Variants in TEK observed in about 807,000 individuals in gnomAD.
TEK encodes the protein TEK receptor tyrosine kinase.
A neutral mutation model predicts 131.8 loss-of-function variants in TEK; 43 were observed. That is an observed-to-expected ratio of 0.33 (90% CI 0.26 to 0.42). The LOEUF is 0.42. Ranked by LOEUF, TEK falls within the 10% of genes least tolerant of loss-of-function variation. The pLI, the probability that TEK is intolerant of heterozygous loss-of-function variation, is 1.00. For missense variants in TEK, 1,162 were observed against 1,384.4 expected (o/e 0.84, Z 2.55); for synonymous variants, 580 against 491.6 (o/e 1.18, Z -2.38).
At chr9:27,161,236 C>G (rs763582906) in intron 2 of TEK, among the ~76,000 whole-genome samples, 10 of 152,168 alleles carry the variant, frequency 6.6e-5, no homozygotes, top group Non-Finnish European at 1.0e-4. Flanking sequence ...GAAACACTAA[C>G]GAGAAGATGG....
intron 12 of TEK, among the ~76,000 whole-genome samples, chr9:27,201,919 C>G (rs1478942569): frequency 6.6e-6 from 1 of 152,138 alleles, no homozygotes; most frequent in Non-Finnish European, 1.5e-5. Flanking sequence ...TGTGGTTATA[C>G]AAGTCAAGAG....
chr9:27,204,622 C>T (rs761945977), intron 13 of TEK, among the ~76,000 whole-genome samples: 2 of 151,588 alleles, frequency 1.3e-5, no homozygotes, highest in Non-Finnish European at 2.9e-5. Context: ...TGGGATTCTA[C>T]TTGGAAATAA....
At chr9:27,149,005 A>C (rs1400052420) in intron 1 of TEK, among the ~76,000 whole-genome samples, 1 of 152,164 alleles carries the variant, frequency 6.6e-6, no homozygotes, top group Non-Finnish European at 1.5e-5. Context: ...GGCAGAAACC[A>C]TATTTTATTT....
chr9:27,229,532 A>C lies in TEK; in HGVS notation c.*300A>C, dbSNP rs922591203. The C allele has an allele frequency of 6.1e-5, 26 of 424,290 alleles. No individual in the cohort carries two copies. Among genetic ancestry groups the C allele is most frequent in the African/African-American group, 4.0e-4 (20 of 49,910 alleles). The allele number at this position is 424,290 out of a possible 1,614,324, so 26.3% of individuals were successfully genotyped here. On this transcript the variant is annotated 3_prime_UTR_variant, in exon 23 of 23. Coordinates refer to ENST00000380036, the MANE Select transcript of TEK (RefSeq NM_000459.5). The stretch of plus-strand genomic sequence containing the variant: ...TTCATAGGAAGGCGTGAGTACAATT[A>C]GTATAATGCATAACTCATTGTTGTC...
chr9:27,167,714 T>C (rs1823784204), intron 2 of TEK, among the ~76,000 whole-genome samples: 1 of 152,214 alleles, frequency 6.6e-6, no homozygotes. Flanking sequence ...AAGTCCAGCA[T>C]TTTGCTCATT....
At chr9:27,221,456 A>G (rs1564109396) in intron 21 of TEK, among the ~76,000 whole-genome samples, 1 of 117,092 alleles carries the variant, frequency 8.5e-6, no homozygotes, top group Non-Finnish European at 2.0e-5. Context: ...TGGGTCCCTG[A>G]CCCGACCCCT....
chr9:27,117,097 C>T (rs1821599277), intron 1 of TEK, among the ~76,000 whole-genome samples: 1 of 151,908 alleles, frequency 6.6e-6, no homozygotes, highest in African/African-American at 2.4e-5. Flanking sequence ...GATCTCCTGA[C>T]CTAGTGATCC....
At chr9:27,220,194 G>T in intron 21 of TEK, 49 bp downstream of exon 21, 2 of 1,580,194 alleles carry the variant, frequency 1.3e-6, no homozygotes, top group Non-Finnish European at 1.7e-6. Context: ...TTCCCCCTGT[G>T]TGTTTCTGGG....
In TEK at chr9:27,197,455, C is replaced by G; in HGVS notation, c.1765C>G (p.Gln589Glu). The G allele has an allele frequency of 6.2e-7, 1 of 1,614,084 alleles. No individual in the cohort carries two copies. The change falls in exon 12 of 23, where the codon CAG becomes GAG. Residue 589 changes from glutamine (Q) to glutamate (E), a missense_variant. Physicochemically the swap from Gln to Glu is conservative, Grantham distance 29. Around this residue, in one of 6 missense-constraint regions of TEK, gnomAD observed 477 missense variants for 471.0 expected, o/e 1.01. Transcript: ENST00000380036. ...ERRSVQKSDQ[Q>E]NIKVPGNLTS... ...AAGGTCTGTGCAAAAAAGTGATCAG[C>G]AGAATATTAAAGTTCCAGGCAACTT...
chr9:27,218,376 G>T (rs1297327644), intron 19 of TEK, among the ~76,000 whole-genome samples: 1 of 152,072 alleles, frequency 6.6e-6, no homozygotes, highest in East Asian at 1.9e-4. Context: ...TAATTTTGAG[G>T]CAGGGATTAT....
chr9:27,185,118 C>T (rs1288575790), intron 8 of TEK, among the ~76,000 whole-genome samples: 4 of 152,026 alleles, frequency 2.6e-5, no homozygotes, highest in African/African-American at 4.8e-5. Context: ...GACAGCCTCT[C>T]AAACACTTAG....
intron 2 of TEK, among the ~76,000 whole-genome samples, chr9:27,164,974 G>A (rs1823673951): frequency 6.6e-6 from 1 of 152,212 alleles, no homozygotes; most frequent in South Asian, 2.1e-4. Flanking sequence ...CCAGGCTCCT[G>A]TGTCATCAGA....
chr9:27,225,179 T>G (rs1158703699), intron 21 of TEK, among the ~76,000 whole-genome samples: 1 of 151,182 alleles, frequency 6.6e-6, no homozygotes, highest in African/African-American at 2.4e-5. Flanking sequence ...ATGGCCACAC[T>G]GCCCAGTGTT....
chr9:27,183,669 A>C, intron 8 of TEK, 59 bp downstream of exon 8: 2 of 1,596,414 alleles, frequency 1.3e-6, no homozygotes, highest in South Asian at 2.2e-5. Flanking sequence ...TGTAGTAATC[A>C]CCCCACTAAA....
rs372823330 is a variant in TEK, at chr9:27,229,272, C to A, written c.*40C>A. On this transcript the variant is annotated 3_prime_UTR_variant, in exon 23 of 23. Coordinates refer to ENST00000380036, the MANE Select transcript of TEK (RefSeq NM_000459.5). Reference sequence around the variant, plus strand: ...ATACCCTCTGTTTCCCTTTCACTGGCATGGGAGACCCTTGACACCTGCTGA... The same window carrying A: ...ATACCCTCTGTTTCCCTTTCACTGGAATGGGAGACCCTTGACACCTGCTGA... 2 of 1,585,738 alleles carry A rather than the reference C, an allele frequency of 1.3e-6. No homozygotes were observed. Among genetic ancestry groups the A allele is most frequent in the South Asian group, 1.1e-5 (1 of 90,542 alleles).
rs528945662 is a variant in TEK at position 27,208,546 on chromosome 9, C to T, written c.2576-575C>T. Among the ~76,000 whole-genome samples the T allele has an allele frequency of 2.0e-5, 3 of 152,260 alleles. No homozygotes were observed. The South Asian group carries it at 6.2e-4, about 32-fold the overall frequency. The stretch of plus-strand genomic sequence containing the variant: ...ATTCCCATGCAACTTCCATAAGATA[C>T]CATTTGGATTTGATTTGTTTAGCTC... On this transcript the variant is annotated intron_variant, in intron 15 of 22. Transcript: ENST00000380036.
At chr9:27,216,939 C>T (rs1290694734) in intron 18 of TEK, among the ~76,000 whole-genome samples, 1 of 152,110 alleles carries the variant, frequency 6.6e-6, no homozygotes, top group African/African-American at 2.4e-5. Context: ...AGGAAGGGAG[C>T]CCCAAATCAT....
intron 1 of TEK, among the ~76,000 whole-genome samples, chr9:27,123,863 G>C (rs997102088): frequency 6.6e-6 from 1 of 152,134 alleles, no homozygotes; most frequent in Non-Finnish European, 1.5e-5. Flanking sequence ...TGCAACCTCC[G>C]CCTCTCAGGT....
At chr9:27,123,052 CAAA>C (rs10700803) in intron 1 of TEK, among the ~76,000 whole-genome samples, 70 of 34,708 alleles carry the variant, frequency 2.0e-3, no homozygotes, top group African/African-American at 8.1e-3. Flanking sequence ...GACTCTGTCT[CAAA>C]AAAAAAAAAA....
Sources: allele counts gnomAD v4.1 joint callset (sites outside exome capture counted in the v4.1 genomes callset), GRCh38; gene constraint gnomAD v4.1.1; regional missense constraint gnomAD v4.1.1; transcripts MANE v1.5; gene names NCBI Gene and HGNC (gene_info 2026-07-23, HGNC 2026-07-21).